The following WDR72 variants were observed in gnomAD, a reference collection of about 807,000 sequenced individuals.
WDR72 encodes the protein WD repeat-containing protein 72.
WDR72 carries 120 observed loss-of-function variants against 124.2 expected under a neutral mutation model. The ratio of observed to expected loss-of-function variants is 0.97; its 90% CI spans 0.83 to 1.12. The LOEUF (loss-of-function observed/expected upper bound fraction) is 1.12. Among genes scored for constraint, WDR72 ranks in the 50% most tolerant of loss-of-function variants. WDR72 has a pLI of 0.00. For missense variants in WDR72, 1,387 were observed against 1,278.8 expected (o/e 1.08, Z -1.29); for synonymous variants, 452 against 441.7 (o/e 1.02, Z -0.29).
intron 18 of WDR72, among the ~76,000 whole-genome samples, chr15:53,552,841 T>C (rs1437546853): frequency 1.3e-5 from 2 of 152,070 alleles, no homozygotes; most frequent in Non-Finnish European, 2.9e-5. Context: ...TTTCATCCCC[T>C]TTGGCTTGGA....
chr15:53,707,067 A>G (rs1278006169), intron 9 of WDR72, among the ~76,000 whole-genome samples: 1 of 152,166 alleles, frequency 6.6e-6, no homozygotes, highest in African/African-American at 2.4e-5. Context: ...GATTACAAAA[A>G]CAAAACCCAA....
chr15:53,582,154 T>G (rs1051690439), intron 18 of WDR72, among the ~76,000 whole-genome samples: 1 of 152,014 alleles, frequency 6.6e-6, no homozygotes, highest in African/African-American at 2.4e-5. Flanking sequence ...TTACATTTTG[T>G]AGTACCTTTT....
chr15:53,519,159 G>A (rs1891640915), intron 19 of WDR72, among the ~76,000 whole-genome samples: 1 of 152,078 alleles, frequency 6.6e-6, no homozygotes, highest in Admixed American at 6.6e-5. Flanking sequence ...CATAAAAATT[G>A]TGAATGTCAC....
intron 2 of WDR72, among the ~76,000 whole-genome samples, chr15:53,731,883 A>G (rs777512894): frequency 6.6e-6 from 1 of 152,218 alleles, no homozygotes; most frequent in Non-Finnish European, 1.5e-5. Flanking sequence ...CAATGCCTTT[A>G]TAAATATGAA....
At chr15:53,731,224 G>GTT (rs1269068021) in intron 2 of WDR72, among the ~76,000 whole-genome samples, 1 of 151,956 alleles carries the variant, frequency 6.6e-6, no homozygotes, top group Non-Finnish European at 1.5e-5. Flanking sequence ...GCCTAGGCCC[G>GTT]TCTTCCCCTC....
chr15:53,560,067 A>G (rs890160436), intron 18 of WDR72, among the ~76,000 whole-genome samples: 9 of 151,980 alleles, frequency 5.9e-5, no homozygotes, highest in African/African-American at 2.2e-4. Context: ...CAGACAAGTT[A>G]TTGAGCTGTC....
chr15:53,615,891 A>G lies in WDR72; in HGVS notation c.2315T>C (p.Met772Thr). Residue 772 changes from methionine to threonine, a missense_variant, in exon 15 of 20, where the codon ATG becomes ACG. Met to Thr is a moderately conservative substitution (Grantham distance 81). Coordinates refer to ENST00000360509, the MANE Select transcript of WDR72 (RefSeq NM_182758.4). ...ENDGIKRQKK[M>T]KISKKMQPKP... ...AGGCTGCATTTTTTTGGAGATCTTC[A>G]TTTTCTTCTGCCTTTTAATGCCATC... 2 of 1,613,324 alleles carry G rather than the reference A, an allele frequency of 1.2e-6. No homozygotes were observed.
At chr15:53,564,707 G>A (rs537594119) in intron 18 of WDR72, among the ~76,000 whole-genome samples, 7 of 151,912 alleles carry the variant, frequency 4.6e-5, no homozygotes, top group Admixed American at 4.6e-4. Context: ...CCTATCAAAG[G>A]TCTTATTCAG....
intron 18 of WDR72, among the ~76,000 whole-genome samples, chr15:53,595,156 A>G (rs961804867): frequency 2.0e-5 from 3 of 152,176 alleles, no homozygotes; most frequent in Non-Finnish European, 4.4e-5. Flanking sequence ...AATTCTTATC[A>G]CAGATTAACC....
chr15:53,538,451 TGGA>T (rs1892878624), intron 18 of WDR72, among the ~76,000 whole-genome samples: 13 of 152,126 alleles, frequency 8.5e-5, no homozygotes, highest in Admixed American at 7.2e-4. Context: ...AACACATTAG[TGGA>T]GGAGGTCATT....
At chr15:53,641,508 C>T (rs2014849105) in intron 14 of WDR72, among the ~76,000 whole-genome samples, 1 of 151,974 alleles carries the variant, frequency 6.6e-6, no homozygotes. Context: ...ATAATCAACT[C>T]ATTGGTTCCT....
intron 13 of WDR72, among the ~76,000 whole-genome samples, chr15:53,676,730 G>T (rs2016185378): frequency 6.6e-6 from 1 of 152,156 alleles, no homozygotes; most frequent in Non-Finnish European, 1.5e-5. Context: ...GGTTGAGTTT[G>T]CCTGGACTTC....
upstream of WDR72, among the ~76,000 whole-genome samples, chr15:53,761,439 C>T (rs1444454839): frequency 6.6e-6 from 1 of 152,168 alleles, no homozygotes; most frequent in Non-Finnish European, 1.5e-5. Flanking sequence ...AATAAAACTA[C>T]CATATGATCC....
chr15:53,705,316 A>C (rs1367762195), intron 10 of WDR72, 83 bp from the exon 11 acceptor site: 2 of 1,282,338 alleles, frequency 1.6e-6, no homozygotes, highest in Non-Finnish European at 2.2e-6. Context: ...CCCTCCCTTC[A>C]AAAATATGAA....
At chr15:53,744,226 C>G (rs904086445) in intron 1 of WDR72, among the ~76,000 whole-genome samples, 1 of 152,124 alleles carries the variant, frequency 6.6e-6, no homozygotes, top group African/African-American at 2.4e-5. Flanking sequence ...GGAACTGAAA[C>G]TTTCAACCTG....
At chr15:53,743,834 G>T (rs1051111644) in intron 1 of WDR72, among the ~76,000 whole-genome samples, 11 of 152,194 alleles carry the variant, frequency 7.2e-5, no homozygotes, top group African/African-American at 2.7e-4. Context: ...ACTTAGCCGG[G>T]CGTGGTGGTG....
intron 14 of WDR72, among the ~76,000 whole-genome samples, chr15:53,627,361 G>A (rs1105903): frequency 0.25 from 37,332 of 152,040 alleles, 4,971 homozygotes; most frequent in East Asian, 0.46. Flanking sequence ...AAATTAGTAC[G>A]TAAACACTCC....
At chr15:53,723,326 T>C (rs2675337) in intron 2 of WDR72, among the ~76,000 whole-genome samples, 149,306 of 152,308 alleles carry the variant, frequency 0.98, 73,254 homozygotes, top group Middle Eastern at 1. Flanking sequence ...ACCACCATAA[T>C]ACCCTATATG....
At position 53,684,950 on chromosome 15, in the gene WDR72, C is replaced by T. The variant is rs910741592; in HGVS notation, c.1765+14800G>A. ...GGGAGGCACCCCCCTAGCAGGGGCA[C>T]ACTGACACCTCACAAGGCAAGGTAT... On this transcript the variant is annotated intron_variant, in intron 13 of 19. Transcript: ENST00000360509. Among the ~76,000 whole-genome samples the T allele has an allele frequency of 4.6e-5, 7 of 152,186 alleles. No individual in the cohort carries two copies. In the South Asian group the frequency reaches 1.5e-3, roughly 32 times the overall value.
Sources: gnomAD v4.1 joint callset for allele counts (sites outside exome capture counted in the v4.1 genomes callset) on GRCh38, gnomAD v4.1.1 for gene constraint, MANE v1.5 for transcripts, NCBI Gene and HGNC (gene_info 2026-07-23, HGNC 2026-07-21) for gene names.